The following PDIA5 variants were observed in gnomAD, a reference collection of about 807,000 sequenced individuals.
PDIA5 encodes protein disulfide-isomerase A5.
In PDIA5, 58 loss-of-function variants were observed where a neutral mutation model predicts 77.6. That is an observed-to-expected ratio of 0.75 (90% CI 0.61 to 0.93). PDIA5 has a LOEUF of 0.93. Among genes scored for constraint, PDIA5 ranks in the 40% least tolerant of loss-of-function variants. The pLI, the probability that PDIA5 is intolerant of heterozygous loss-of-function variation, is 0.00. For synonymous variants in PDIA5, 250 were observed against 252.1 expected (o/e 0.99, Z 0.08); for missense variants, 630 against 647.7 (o/e 0.97, Z 0.30).
chr3:123,072,444 A>G (rs1401664721), intron 1 of PDIA5, among the ~76,000 whole-genome samples: 1 of 152,210 alleles, frequency 6.6e-6, no homozygotes, highest in Non-Finnish European at 1.5e-5. Context: ...TGGGGAAGGC[A>G]GTTAAGAGGA....
At chr3:123,149,378 C>T (rs149624720) in intron 13 of PDIA5, among the ~76,000 whole-genome samples, 1 of 152,308 alleles carries the variant, frequency 6.6e-6, no homozygotes, top group East Asian at 1.9e-4. Context: ...GAGAGGGCTG[C>T]ACTCAGCTGG....
intron 3 of PDIA5, among the ~76,000 whole-genome samples, chr3:123,093,816 G>A (rs1279759441): frequency 6.6e-6 from 1 of 152,116 alleles, no homozygotes; most frequent in Non-Finnish European, 1.5e-5. Flanking sequence ...TCACAGAGGC[G>A]GTCGAGTTCA....
chr3:123,148,398 C>T (rs1338187745), intron 13 of PDIA5, among the ~76,000 whole-genome samples: 1 of 151,916 alleles, frequency 6.6e-6, no homozygotes, highest in Non-Finnish European at 1.5e-5. Context: ...TGAGACCCCA[C>T]CTCTACCGAA....
At chr3:123,073,633 T>C (rs923172920) in intron 1 of PDIA5, among the ~76,000 whole-genome samples, 1 of 151,988 alleles carries the variant, frequency 6.6e-6, no homozygotes, top group Non-Finnish European at 1.5e-5. Context: ...ACTCATGGAG[T>C]GTGGGGTTAA....
At chr3:123,086,317 C>G (rs1377481674) in intron 1 of PDIA5, among the ~76,000 whole-genome samples, 2 of 152,184 alleles carry the variant, frequency 1.3e-5, no homozygotes, top group Non-Finnish European at 2.9e-5. Context: ...ATCTGTATGT[C>G]AGACAGGAGT....
At chr3:123,116,889 A>G (rs1206871364) in intron 8 of PDIA5, among the ~76,000 whole-genome samples, 1 of 150,658 alleles carries the variant, frequency 6.6e-6, no homozygotes, top group East Asian at 2.0e-4. Flanking sequence ...CAGAATGGAG[A>G]CACATGTGTC....
intron 14 of PDIA5, among the ~76,000 whole-genome samples, chr3:123,150,799 C>A (rs1935876002): frequency 6.6e-6 from 1 of 152,138 alleles, no homozygotes; most frequent in African/African-American, 2.4e-5. Context: ...GGCATAGGCA[C>A]AGCCACATTC....
chr3:123,070,309 A>G (rs973973405), intron 1 of PDIA5, among the ~76,000 whole-genome samples: 1 of 152,198 alleles, frequency 6.6e-6, no homozygotes, highest in African/African-American at 2.4e-5. Flanking sequence ...ACATGTATGA[A>G]GAATTAGTGC....
intron 15 of PDIA5, among the ~76,000 whole-genome samples, chr3:123,157,163 G>C (rs1449621532): frequency 6.6e-6 from 1 of 152,102 alleles, no homozygotes; most frequent in Non-Finnish European, 1.5e-5. Context: ...TTGCATTCAG[G>C]AATGCACTTC....
intron 8 of PDIA5, among the ~76,000 whole-genome samples, chr3:123,119,053 C>T (rs1935051905): frequency 6.6e-6 from 1 of 152,098 alleles, no homozygotes; most frequent in Admixed American, 6.5e-5. Context: ...GAGCTAGATA[C>T]CAGCCTGGGC....
intron 15 of PDIA5, among the ~76,000 whole-genome samples, chr3:123,159,507 G>A (rs2717230): frequency 0.5 from 75,391 of 152,106 alleles, 18,688 homozygotes; most frequent in South Asian, 0.54. Context: ...GTTGTCACCT[G>A]TGAGACTGCA....
rs574882596 is a variant in PDIA5, at chr3:123,103,886, T to A, written c.387+1090T>A. Among the ~76,000 whole-genome samples, 4 of 152,078 alleles carry A rather than the reference T, an allele frequency of 2.6e-5. No individual in the cohort carries two copies. The South Asian group carries it at 8.3e-4, about 32-fold the overall frequency. The stretch of plus-strand genomic sequence containing the variant: ...AGGAACAAGATTTAGTTGGGTGGGA[T>A]GGGGGAAGTGCTTATGCAATGATGG... On this transcript the variant is annotated intron_variant, in intron 5 of 16. Transcript: ENST00000316218.
At chr3:123,091,896 C>T (rs1026090736) in intron 2 of PDIA5, among the ~76,000 whole-genome samples, 1 of 152,222 alleles carries the variant, frequency 6.6e-6, no homozygotes, top group Non-Finnish European at 1.5e-5. Flanking sequence ...TCCTAGCTCT[C>T]GTCAGCTCCT....
At chr3:123,083,815 G>A (rs1934070480) in intron 1 of PDIA5, among the ~76,000 whole-genome samples, 1 of 152,222 alleles carries the variant, frequency 6.6e-6, no homozygotes, top group Admixed American at 6.5e-5. Flanking sequence ...TGCTGGGACT[G>A]CATCTTAAGG....
intron 11 of PDIA5, among the ~76,000 whole-genome samples, chr3:123,134,911 G>A (rs990131912): frequency 1.3e-4 from 20 of 152,134 alleles, no homozygotes; most frequent in Non-Finnish European, 2.5e-4. Context: ...CTGGACCCAA[G>A]GCCAGGAGCC....
chr3:123,087,523 C>T (rs974607145), intron 1 of PDIA5, among the ~76,000 whole-genome samples: 1 of 150,052 alleles, frequency 6.7e-6, no homozygotes, highest in Admixed American at 6.6e-5. Flanking sequence ...GATAGTTTTA[C>T]TTTCCAAGAG....
intron 7 of PDIA5, among the ~76,000 whole-genome samples, chr3:123,112,477 G>A (rs981351996): frequency 6.7e-6 from 1 of 149,608 alleles, no homozygotes; most frequent in Non-Finnish European, 1.5e-5. Flanking sequence ...TGGTGGTTCT[G>A]CCTGACTTGA....
At position 123,069,918 on chromosome 3, in the gene PDIA5, C is replaced by T. The variant is rs540426335; in HGVS notation, c.42+2712C>T. ...CAGCCTGGCCAACATGGTGAAACCC[C>T]GTCTCTACTAAAAATACAAAAATTA... On this transcript the variant is annotated intron_variant, in intron 1 of 16. Coordinates refer to ENST00000316218, the MANE Select transcript of PDIA5 (RefSeq NM_006810.4). Among the ~76,000 whole-genome samples, 18 of 151,908 alleles carry T rather than the reference C, an allele frequency of 1.2e-4. No homozygotes were observed. In the South Asian group the frequency reaches 1.3e-3, roughly 11 times the overall value.
chr3:123,146,046 A>G, intron 12 of PDIA5, 53 bp from the exon 13 acceptor site: 5 of 1,568,652 alleles, frequency 3.2e-6, no homozygotes, highest in Non-Finnish European at 4.4e-6. Flanking sequence ...CCTGTGTTCC[A>G]CCAGCACCGC....
Sources: allele counts gnomAD v4.1 joint callset (sites outside exome capture counted in the v4.1 genomes callset), GRCh38; gene constraint gnomAD v4.1.1; transcripts MANE v1.5; gene names NCBI Gene and HGNC (gene_info 2026-07-23, HGNC 2026-07-21).